Variants in DPYSL2 observed in about 807,000 individuals in gnomAD.
DPYSL2 encodes dihydropyrimidinase-related protein 2.
Under a neutral mutation model 69.9 loss-of-function variants are expected in DPYSL2, and 13 were observed. The observed-to-expected ratio is 0.19, with a 90% confidence interval of 0.12 to 0.30. The LOEUF (loss-of-function observed/expected upper bound fraction) is 0.30. Among genes scored for constraint, DPYSL2 ranks in the 10% least tolerant of loss-of-function variants. DPYSL2 has a pLI of 1.00. For missense variants in DPYSL2, 587 were observed against 918.9 expected (o/e 0.64, Z 4.67); for synonymous variants, 326 against 359.1 (o/e 0.91, Z 1.04).
chr8:26,585,392 C>T lies in DPYSL2; in HGVS notation c.628+1409C>T, dbSNP rs760836969. On this transcript the variant is annotated intron_variant, in intron 3 of 13. Transcript: ENST00000521913. This position sits in a 1 kb window ranked among gnomAD's most constrained non-coding sequence, Gnocchi z 4.0. ...TTTTAAATCACAACTCATCCTCTGG[C>T]GTTCTCTCTGTCCTGGCCCTCAGGG... Among the ~76,000 whole-genome samples, 3 of 152,118 alleles carry T rather than the reference C, an allele frequency of 2.0e-5. No homozygotes were observed. Among genetic ancestry groups the T allele is most frequent in the Admixed American group, 6.5e-5 (1 of 15,276 alleles).
rs188593987 is a variant in DPYSL2 at position 26,555,053 on chromosome 8, G to A, written c.355-26916G>A. Among the ~76,000 whole-genome samples the A allele has an allele frequency of 6.8e-5, 9 of 132,002 alleles. No homozygotes were observed. The East Asian group carries it at 1.4e-3, about 21-fold the overall frequency. 86.6% of individuals were successfully genotyped at this position (132,002 alleles called of 152,430 possible). ...TACCAATAGATGCAGTAAAACTATC[G>A]ACAAAATTCAACATCTATTAGTGAT... On this transcript the variant is annotated intron_variant, in intron 1 of 13. Transcript: ENST00000521913.
intron 1 of DPYSL2, among the ~76,000 whole-genome samples, chr8:26,569,964 G>A (rs532762272): frequency 6.6e-6 from 1 of 152,270 alleles, no homozygotes; most frequent in East Asian, 1.9e-4. Flanking sequence ...GAGCACTTTA[G>A]GAGGATCAGT....
At chr8:26,553,112 T>C (rs1391438719) in intron 1 of DPYSL2, among the ~76,000 whole-genome samples, 1 of 152,022 alleles carries the variant, frequency 6.6e-6, no homozygotes, top group African/African-American at 2.4e-5. Flanking sequence ...CAAGAAGAAA[T>C]AGATAATCGG....
chr8:26,571,717 G>A lies in DPYSL2; in HGVS notation c.355-10252G>A, dbSNP rs1473176055. On this transcript the variant is annotated intron_variant, in intron 1 of 13. Coordinates refer to ENST00000521913, the MANE Select transcript of DPYSL2 (RefSeq NM_001197293.3). This position sits in a 1 kb window ranked among gnomAD's most constrained non-coding sequence, Gnocchi z 6.1. ...TCCTAGCAGAGCCCCCATGCTGGCC[G>A]GCAGTCTGTACAGTTCTAGCCAAAG... Among the ~76,000 whole-genome samples, 4 of 152,122 alleles carry A rather than the reference G, an allele frequency of 2.6e-5. No individual in the cohort carries two copies. The highest frequency in any genetic ancestry group is 9.7e-5 in the African/African-American group (4 of 41,422).
chr8:26,535,898 T>TTGTG (rs112620337), intron 1 of DPYSL2, among the ~76,000 whole-genome samples: 26,371 of 141,012 alleles, frequency 0.19, 2,750 homozygotes, highest in African/African-American at 0.3. Flanking sequence ...TCTCTATGGG[T>TTGTG]TGTGTGTGTG....
chr8:26,618,549 C>G (rs1361046630), intron 3 of DPYSL2, among the ~76,000 whole-genome samples: 1 of 147,332 alleles, frequency 6.8e-6, no homozygotes, highest in Non-Finnish European at 1.5e-5. Context: ...GAACTCCTGG[C>G]CTGAAGCAAT....
At chr8:26,631,063 CTTGCAT>C (rs1300465147) in intron 7 of DPYSL2, among the ~76,000 whole-genome samples, 1 of 152,236 alleles carries the variant, frequency 6.6e-6, no homozygotes, top group Non-Finnish European at 1.5e-5. Flanking sequence ...TTCTGAGGGG[CTTGCAT>C]TCCTTCTTTC....
chr8:26,646,799 G>A lies in DPYSL2; in HGVS notation c.1426-831G>A, dbSNP rs75851366. ...TGAGCCCAGGACTTCGAGCCCAGCT[G>A]GGCAACATAGTGAGATCTGTCTCTT... is the stretch of plus-strand genomic sequence containing the variant. On this transcript the variant is annotated intron_variant, in intron 10 of 13. Transcript: ENST00000521913. Among the ~76,000 whole-genome samples, 1,338 of 152,030 alleles carry A rather than the reference G, an allele frequency of 8.8e-3. 14 individuals carry two copies. The highest frequency in any genetic ancestry group is 0.014 in the Non-Finnish European group (955 of 67,960).
At chr8:26,599,797 G>A (rs1801951338) in intron 3 of DPYSL2, among the ~76,000 whole-genome samples, 1 of 152,086 alleles carries the variant, frequency 6.6e-6, no homozygotes, top group South Asian at 2.1e-4. Flanking sequence ...CTCTCTGAAA[G>A]TGTATAACTC....
chr8:26,654,625 G>T lies in DPYSL2; in HGVS notation c.1943-990G>T, dbSNP rs759987239. ...GTTCCTCCTACTTGTGATTATATGT[G>T]TAGGATTAGGGGATTAGAATGCCAG... On this transcript the variant is annotated intron_variant, in intron 13 of 13. Transcript: ENST00000521913. The surrounding 1 kb of genome is among the most constrained non-coding windows in gnomAD (Gnocchi z 5.0). Among the ~76,000 whole-genome samples, 15 of 152,116 alleles carry T rather than the reference G, an allele frequency of 9.9e-5. No homozygotes were observed. Among genetic ancestry groups the T allele is most frequent in the Non-Finnish European group, 1.9e-4 (13 of 68,022 alleles).
intron 1 of DPYSL2, among the ~76,000 whole-genome samples, chr8:26,523,640 G>A (rs1299619010): frequency 2.0e-5 from 3 of 152,074 alleles, no homozygotes; most frequent in Admixed American, 6.6e-5. Context: ...TGTAGCATGT[G>A]TCAGAATTTC....
intron 1 of DPYSL2, among the ~76,000 whole-genome samples, chr8:26,550,668 A>C (rs1485237126): frequency 1.3e-5 from 2 of 152,202 alleles, no homozygotes; most frequent in Non-Finnish European, 2.9e-5. Context: ...ATAGATGACA[A>C]GTGGCTTATT....
At chr8:26,530,696 C>T (rs1018521113) in intron 1 of DPYSL2, among the ~76,000 whole-genome samples, 1 of 152,182 alleles carries the variant, frequency 6.6e-6, no homozygotes, top group Non-Finnish European at 1.5e-5. Flanking sequence ...AAACTTCATT[C>T]TTGAGATTTC....
intron 8 of DPYSL2, chr8:26,637,682 ATTGT>A (rs1403107039): frequency 3.3e-5 from 5 of 152,318 alleles, no homozygotes; most frequent in African/African-American, 1.2e-4. Context: ...GGGAGTATTA[ATTGT>A]TTGCCTCCAG....
chr8:26,626,919 C>T lies in DPYSL2; in HGVS notation c.855+241C>T, dbSNP rs62493366. Among the ~76,000 whole-genome samples, 20 of 152,254 alleles carry T rather than the reference C, an allele frequency of 1.3e-4. No homozygotes were observed. The highest frequency in any genetic ancestry group is 1.9e-4 in the East Asian group (1 of 5,174). On this transcript the variant is annotated intron_variant, in intron 5 of 13. Coordinates refer to ENST00000521913, the MANE Select transcript of DPYSL2 (RefSeq NM_001197293.3). The surrounding 1 kb of genome is among the most constrained non-coding windows in gnomAD (Gnocchi z 4.3). ...CTGCCCCGCACGGCGTGTGTGGGAG[C>T]GGCACTCAGAACCTCCTTAGCAAAC...
Position 26,643,378 on chromosome 8 carries a change from A to T in DPYSL2, c.1127-61A>T, listed in dbSNP as rs1803094514. On this transcript the variant is annotated intron_variant, in intron 8 of 13. Transcript: ENST00000521913. The surrounding 1 kb of genome is among the most constrained non-coding windows in gnomAD (Gnocchi z 6.5). ...TGCTGGGCAGGCAGTGGCTCCTCAT[A>T]GGGGTGGTTCCCTTCCCCCTGCATT... 6.6e-7 allele frequency: 1 copy of T among 1,515,426 alleles called. No homozygotes were observed. Among genetic ancestry groups the T allele is most frequent in the African/African-American group, 1.4e-5 (1 of 71,528 alleles). The allele number at this position is 1,515,426 out of a possible 1,614,324, so 93.9% of individuals were successfully genotyped here.
intron 3 of DPYSL2, among the ~76,000 whole-genome samples, chr8:26,596,662 G>A (rs982942875): frequency 9.9e-5 from 15 of 152,186 alleles, no homozygotes; most frequent in Non-Finnish European, 1.6e-4. Context: ...CATCAACCCC[G>A]AAGATAGATA....
chr8:26,518,024 T>G (rs1373860680), intron 1 of DPYSL2, among the ~76,000 whole-genome samples: 1 of 152,240 alleles, frequency 6.6e-6, no homozygotes, highest in Non-Finnish European at 1.5e-5. Flanking sequence ...AAAATCAGTC[T>G]TGGCTTCCCT....
chr8:26,580,131 T>C lies in DPYSL2; in HGVS notation c.355-1838T>C, dbSNP rs1455012763. Among the ~76,000 whole-genome samples the C allele has an allele frequency of 6.6e-6, 1 of 152,024 alleles. No individual in the cohort carries two copies. Among genetic ancestry groups the C allele is most frequent in the East Asian group, 1.9e-4 (1 of 5,180 alleles). ...CATGGCATCATGTTGGCTCGGGATA[T>C]TCGCGGTGATGGCTGGGGCAGGTAC... On this transcript the variant is annotated intron_variant, in intron 1 of 13. Transcript: ENST00000521913. This position sits in a 1 kb window ranked among gnomAD's most constrained non-coding sequence, Gnocchi z 4.1.
Sources: allele counts gnomAD v4.1 joint callset (sites outside exome capture counted in the v4.1 genomes callset), GRCh38; gene constraint gnomAD v4.1.1; non-coding constraint Gnocchi (gnomAD v3.1); transcripts MANE v1.5; gene names NCBI Gene and HGNC (gene_info 2026-07-23, HGNC 2026-07-21).